Variants in CERS6 observed in about 807,000 individuals in gnomAD.
The protein encoded by CERS6 is ceramide synthase 6.
In CERS6, 26 loss-of-function variants were observed where a neutral mutation model predicts 56.8. The observed-to-expected ratio is 0.46, with a 90% CI of 0.34 to 0.63. The LOEUF (loss-of-function observed/expected upper bound fraction) is 0.63, where lower values mean the gene tolerates loss of function less well. CERS6 is among the 30% of genes least tolerant of loss of function. The pLI, the probability that CERS6 is intolerant of heterozygous loss-of-function variation, is 0.01. For missense variants in CERS6, 415 were observed against 467.5 expected, an observed-to-expected ratio of 0.89 and a Z score of 1.04; for synonymous variants, 164 against 173.3, an observed-to-expected ratio of 0.95 and a Z score of 0.42.
intron 1 of CERS6, among the ~76,000 whole-genome samples, chr2:168,528,874 G>T (rs981449978): frequency 2.0e-5 from 3 of 152,198 alleles, no homozygotes; most frequent in African/African-American, 4.8e-5. Context: ...GAAATTAAGA[G>T]AATTGAAAGT....
At chr2:168,734,347 G>A (rs1259066793) in intron 8 of CERS6, among the ~76,000 whole-genome samples, 2 of 152,224 alleles carry the variant, frequency 1.3e-5, no homozygotes, top group South Asian at 2.1e-4. Context: ...TGAGGGCACT[G>A]CTGCTGGAGG....
At chr2:168,632,115 C>T (rs930640652) in intron 4 of CERS6, among the ~76,000 whole-genome samples, 6 of 151,520 alleles carry the variant, frequency 4.0e-5, no homozygotes, top group African/African-American at 7.3e-5. Context: ...GAACTACTGT[C>T]GGGTTAGACT....
At chr2:168,570,845 A>G (rs1695972313) in intron 3 of CERS6, among the ~76,000 whole-genome samples, 1 of 152,118 alleles carries the variant, frequency 6.6e-6, no homozygotes, top group South Asian at 2.1e-4. Flanking sequence ...AAGTGAGGGG[A>G]TGTTTGTCTA....
intron 1 of CERS6, among the ~76,000 whole-genome samples, chr2:168,464,174 T>TTTTGTGTGTG (rs766821494): frequency 1.1e-4 from 15 of 139,792 alleles, no homozygotes; most frequent in South Asian, 4.9e-4. Flanking sequence ...TTTATACTTT[T>TTTTGTGTGTG]TGTGTGTGTG....
chr2:168,698,273 AAAG>A (rs1340088932), intron 6 of CERS6, among the ~76,000 whole-genome samples: 1 of 147,642 alleles, frequency 6.8e-6, no homozygotes, highest in Non-Finnish European at 1.5e-5. Context: ...AAAAAAAAAA[AAAG>A]AAACACCTGA....
At chr2:168,468,413 C>A (rs772378866) in intron 1 of CERS6, among the ~76,000 whole-genome samples, 4 of 152,190 alleles carry the variant, frequency 2.6e-5, no homozygotes, top group Non-Finnish European at 5.9e-5. Flanking sequence ...TGACTTAAGA[C>A]CTGGGCTGTG....
In CERS6 at chr2:168,772,249, A is replaced by G. The variant is rs1393079016; in HGVS notation, c.*2587A>G. ...ATCTCCTCCTTCCTGGTCACATTCA[A>G]ACCTTCCCAGAGTACAAAGGGGTAT... On this transcript the variant is annotated 3_prime_UTR_variant, in exon 10 of 10. Coordinates refer to ENST00000305747, the MANE Select transcript of CERS6 (RefSeq NM_203463.3). The G allele has an allele frequency of 1.3e-5, 2 of 152,470 alleles. No individual in the cohort carries two copies. The highest frequency in any genetic ancestry group is 6.5e-5 in the Admixed American group (1 of 15,274). The allele number at this position is 152,470 out of a possible 1,614,324, so 9.4% of individuals were successfully genotyped here.
intron 3 of CERS6, among the ~76,000 whole-genome samples, chr2:168,577,408 G>A (rs949751862): frequency 6.6e-6 from 1 of 152,206 alleles, no homozygotes; most frequent in Non-Finnish European, 1.5e-5. Flanking sequence ...TGCAATGTGG[G>A]AACTCTCGAG....
At chr2:168,696,677 C>G (rs1335420032) in intron 6 of CERS6, among the ~76,000 whole-genome samples, 1 of 152,234 alleles carries the variant, frequency 6.6e-6, no homozygotes, top group Non-Finnish European at 1.5e-5. Context: ...TGACAACCTT[C>G]TCACTGTGTC....
At chr2:168,743,202 ATGTG>A (rs1305742285) in intron 8 of CERS6, among the ~76,000 whole-genome samples, 1 of 148,704 alleles carries the variant, frequency 6.7e-6, no homozygotes, top group African/African-American at 2.5e-5. Flanking sequence ...GTATATATAT[ATGTG>A]TGTGTGTATG....
chr2:168,564,353 C>A (rs1695846276), intron 3 of CERS6, among the ~76,000 whole-genome samples: 1 of 152,110 alleles, frequency 6.6e-6, no homozygotes. Flanking sequence ...TCTATTAATT[C>A]TTTGTAAATT....
At chr2:168,669,060 A>C (rs892240564) in intron 4 of CERS6, among the ~76,000 whole-genome samples, 1 of 152,198 alleles carries the variant, frequency 6.6e-6, no homozygotes, top group Non-Finnish European at 1.5e-5. Flanking sequence ...CCTAACAGTC[A>C]ATCAGTCATA....
chr2:168,526,518 C>T (rs926270221), intron 1 of CERS6, among the ~76,000 whole-genome samples: 5 of 152,224 alleles, frequency 3.3e-5, no homozygotes, highest in African/African-American at 1.2e-4. Flanking sequence ...GTGCCAGGCA[C>T]TTCACACCAG....
intron 1 of CERS6, among the ~76,000 whole-genome samples, chr2:168,483,400 T>G (rs1694213247): frequency 6.6e-6 from 1 of 152,140 alleles, no homozygotes; most frequent in African/African-American, 2.4e-5. Flanking sequence ...TACTCAAAAT[T>G]CCGAGTTTCA....
chr2:168,592,698 C>T (rs1054263148), intron 3 of CERS6, among the ~76,000 whole-genome samples: 1 of 152,014 alleles, frequency 6.6e-6, no homozygotes, highest in South Asian at 2.1e-4. Flanking sequence ...GGTGGATTTT[C>T]CTCAGCTGTT....
At position 168,714,956 on chromosome 2, in the gene CERS6, G is replaced by A. The variant is rs138089929; in HGVS notation, c.610-45G>A. On this transcript the variant is annotated intron_variant, in intron 6 of 9. Coordinates refer to ENST00000305747, the MANE Select transcript of CERS6 (RefSeq NM_203463.3). ...AGTGGCTGAATGGCTAAATGGAAATGTGATGTTGCTAAACTCTAATATGGA... is the reference window on the plus strand; with the variant it reads ...AGTGGCTGAATGGCTAAATGGAAATATGATGTTGCTAAACTCTAATATGGA... 459 of 1,566,494 alleles carry A rather than the reference G, an allele frequency of 2.9e-4. No individual in the cohort carries two copies. In the Middle Eastern group the frequency reaches 3.1e-3, roughly 11 times the overall value.
At chr2:168,518,068 G>A (rs1355161383) in intron 1 of CERS6, among the ~76,000 whole-genome samples, 4 of 152,186 alleles carry the variant, frequency 2.6e-5, no homozygotes, top group Admixed American at 6.5e-5. Context: ...ATTAAAGGAC[G>A]TGTCATAATT....
chr2:168,508,994 G>C (rs951528753), intron 1 of CERS6, among the ~76,000 whole-genome samples: 4 of 152,140 alleles, frequency 2.6e-5, no homozygotes, highest in African/African-American at 9.7e-5. Flanking sequence ...TAATTGTGGA[G>C]TTTTACTTTC....
chr2:168,457,984 A>G (rs1693705521), intron 1 of CERS6, among the ~76,000 whole-genome samples: 1 of 152,208 alleles, frequency 6.6e-6, no homozygotes, highest in Non-Finnish European at 1.5e-5. Context: ...TCTAATACAG[A>G]TGTGTCATTG....
Sources: gnomAD v4.1 joint callset for allele counts (sites outside exome capture counted in the v4.1 genomes callset) on GRCh38, gnomAD v4.1.1 for gene constraint, MANE v1.5 for transcripts, NCBI Gene and HGNC (gene_info 2026-07-23, HGNC 2026-07-21) for gene names.